The following SMARCAL1 variants were observed in gnomAD, a reference collection of about 807,000 sequenced individuals.
SMARCAL1 encodes the protein ATP-driven annealing helicase.
In SMARCAL1, 58 loss-of-function variants were observed where a neutral mutation model predicts 94.5. The observed-to-expected ratio is 0.61, with a 90% confidence interval of 0.50 to 0.76. The LOEUF is 0.76. SMARCAL1 is among the 30% of genes least tolerant of loss of function. The pLI is 0.00. For synonymous variants in SMARCAL1, 422 were observed against 455.1 expected (o/e 0.93, Z 0.93); for missense variants, 1,051 against 1,177.9 (o/e 0.89, Z 1.58).
chr2:216,432,802 C>A lies in SMARCAL1; in HGVS notation c.1419C>A (p.Ala473=), dbSNP rs1216850725. The A allele has an allele frequency of 6.2e-7, 1 of 1,614,114 alleles. No homozygotes were observed. Among genetic ancestry groups the A allele is most frequent in the Non-Finnish European group, 8.5e-7 (1 of 1,180,060 alleles). Residue 473 remains alanine, a synonymous_variant, in exon 8 of 18, where the codon GCC becomes GCA. Transcript: ENST00000357276. ...GKTIQAICIA[A]FYRKEWPLLV... ...CCATCCAAGCCATCTGCATCGCAGC[C>A]TTTTACCGGAAGGAGTGGCCGCTCC... is the stretch of plus-strand genomic sequence containing the variant.
rs543508725 is a variant in SMARCAL1 at position 216,462,744 on chromosome 2, A to T, written c.2071-1853A>T. On this transcript the variant is annotated intron_variant, in intron 12 of 17. Coordinates refer to ENST00000357276, the MANE Select transcript of SMARCAL1 (RefSeq NM_014140.4). ...CTCATGCCTGTAATCCCAGCACTGT[A>T]GGAGGCCAAGATGGGAGGATTACTT... Among the ~76,000 whole-genome samples the T allele has an allele frequency of 1.5e-3, 223 of 152,074 alleles. 3 individuals are homozygous for T. Among genetic ancestry groups the T allele is most frequent in the African/African-American group, 5.0e-3 (208 of 41,478 alleles).
At chr2:216,463,076 G>T (rs79795609) in intron 12 of SMARCAL1, among the ~76,000 whole-genome samples, 1,722 of 152,274 alleles carry the variant, frequency 0.011, 45 homozygotes, top group African/African-American at 0.04. Context: ...TCTGGCTGTG[G>T]TTGCTTTCCT....
At chr2:216,472,715 C>T (rs1015701081) in intron 14 of SMARCAL1, among the ~76,000 whole-genome samples, 1 of 149,228 alleles carries the variant, frequency 6.7e-6, no homozygotes, top group Non-Finnish European at 1.5e-5. Context: ...AAAGAAATGA[C>T]ACCAGTAGCC....
chr2:216,453,840 A>C (rs1694500065), intron 12 of SMARCAL1, among the ~76,000 whole-genome samples: 1 of 152,162 alleles, frequency 6.6e-6, no homozygotes, highest in South Asian at 2.1e-4. Flanking sequence ...ACACCTTTCC[A>C]TCTGGAAGAA....
rs1453767603 is a variant in SMARCAL1, at chr2:216,467,947, A to C, written c.2145A>C (p.Glu715Asp). The C allele has an allele frequency of 6.3e-7, 1 of 1,593,126 alleles. No individual in the cohort carries two copies. The highest frequency in any genetic ancestry group is 2.2e-5 in the East Asian group (1 of 44,764). Residue 715 changes from glutamate (E) to aspartate (D), a missense_variant, in exon 14 of 18, where the codon GAA becomes GAC. Transcript: ENST00000357276. ...TTGTTGTCATTGTCAAATGCAGTGA[A>C]TATATCTTGGACCTACTGGAAAGTG... ...TAEAKIPSVI[E>D]YILDLLESGR...
rs375276319 is a variant in SMARCAL1, at chr2:216,482,922, A to G, written c.2810A>G (p.Lys937Arg). 6 of 1,614,140 alleles carry G rather than the reference A, an allele frequency of 3.7e-6. No homozygotes were observed. The South Asian group carries it at 5.5e-5, about 15-fold the overall frequency. The change falls in exon 18 of 18, where the codon AAG becomes AGG. Residue 937 changes from lysine to arginine, a missense_variant. This residue lies in a region of SMARCAL1 where 642 missense variants were observed against 754.7 expected (regional missense o/e 0.85). Coordinates refer to ENST00000357276, the MANE Select transcript of SMARCAL1 (RefSeq NM_014140.4). This position sits in a 1 kb window ranked among gnomAD's most constrained non-coding sequence, Gnocchi z 4.3. Reference protein sequence around the residue: ...DESSLTASPQKKRRFEFFDNW... With the variant: ...DESSLTASPQRKRRFEFFDNW... ...AGCTCATTGACAGCCAGTCCACAGA[A>G]GAAAAGGAGATTTGAATTTTTTGAT...
Position 216,477,219 on chromosome 2 carries a change from G to A in SMARCAL1, c.2528+10G>A, listed in dbSNP as rs772336652. 1 of 1,567,674 alleles carries A rather than the reference G, an allele frequency of 6.4e-7. No homozygotes were observed. The highest frequency in any genetic ancestry group is 1.3e-5 in the African/African-American group (1 of 74,112). On this transcript the variant is annotated intron_variant, in intron 16 of 17. Coordinates refer to ENST00000357276, the MANE Select transcript of SMARCAL1 (RefSeq NM_014140.4). ...CTGATGACTACCTTTGGTATGGCTT[G>A]GTTGGGTGGCCTGGCAGTTGGAGTC...
intron 5 of SMARCAL1, among the ~76,000 whole-genome samples, chr2:216,423,390 A>G (rs1574449891): frequency 6.6e-6 from 1 of 152,324 alleles, no homozygotes; most frequent in East Asian, 1.9e-4. Context: ...GGCACCTTTT[A>G]TCACAACCCT....
intron 10 of SMARCAL1, among the ~76,000 whole-genome samples, chr2:216,442,586 A>G (rs1694220145): frequency 6.6e-6 from 1 of 152,140 alleles, no homozygotes; most frequent in Non-Finnish European, 1.5e-5. Flanking sequence ...TGGAAGTACG[A>G]GTGTGTGTGT....
At chr2:216,463,770 C>T (rs550596536) in intron 12 of SMARCAL1, among the ~76,000 whole-genome samples, 43 of 152,224 alleles carry the variant, frequency 2.8e-4, no homozygotes, top group African/African-American at 9.2e-4. Flanking sequence ...GGGCCAGGTG[C>T]GGTGACTCAT....
rs1293262554 is a variant in SMARCAL1, at chr2:216,482,469, C to T, written c.2626-269C>T. ...AAAACATTTCCAATGTAAATTATAGCGTGAGAGCAGCTTCTTTGTTGCACT... is the reference window on the plus strand; with the variant it reads ...AAAACATTTCCAATGTAAATTATAGTGTGAGAGCAGCTTCTTTGTTGCACT... On this transcript the variant is annotated intron_variant, in intron 17 of 17. Transcript: ENST00000357276. This position sits in a 1 kb window ranked among gnomAD's most constrained non-coding sequence, Gnocchi z 4.3. 2.6e-5 allele frequency among the ~76,000 whole-genome samples: 4 copies of T among 152,124 alleles called. No individual in the cohort carries two copies. The highest frequency in any genetic ancestry group is 4.4e-5 in the Non-Finnish European group (3 of 68,022).
chr2:216,432,535 C>T (rs1225295239), intron 7 of SMARCAL1, among the ~76,000 whole-genome samples, 183 bp from the exon 8 acceptor site: 1 of 152,070 alleles, frequency 6.6e-6, no homozygotes, highest in Non-Finnish European at 1.5e-5. Flanking sequence ...CTCTCTCTCT[C>T]TTTTTTATTC....
At chr2:216,437,145 A>G (rs2106039056) in intron 9 of SMARCAL1, among the ~76,000 whole-genome samples, 1 of 152,330 alleles carries the variant, frequency 6.6e-6, no homozygotes, top group South Asian at 2.1e-4. Context: ...AGTTTAAACC[A>G]TTCTTTGAGA....
At chr2:216,432,410 C>T (rs1015529791) in intron 7 of SMARCAL1, among the ~76,000 whole-genome samples, 3 of 152,148 alleles carry the variant, frequency 2.0e-5, no homozygotes, top group African/African-American at 7.2e-5. Flanking sequence ...TACAGTGGGC[C>T]GAGGCAACTC....
intron 11 of SMARCAL1, among the ~76,000 whole-genome samples, chr2:216,449,187 G>A (rs1694388363): frequency 6.6e-6 from 1 of 152,184 alleles, no homozygotes; most frequent in Admixed American, 6.5e-5. Context: ...CAACATGGGG[G>A]ACCCACCATG....
intron 14 of SMARCAL1, among the ~76,000 whole-genome samples, chr2:216,472,207 T>C (rs1160520845): frequency 1.3e-5 from 2 of 152,072 alleles, no homozygotes; most frequent in East Asian, 1.9e-4. Context: ...ATACAAAAAT[T>C]AGCTGGGCAT....
chr2:216,461,320 T>C (rs1436821233), intron 12 of SMARCAL1, among the ~76,000 whole-genome samples: 3 of 151,988 alleles, frequency 2.0e-5, no homozygotes, highest in African/African-American at 7.2e-5. Context: ...TTGGCATATA[T>C]AATTTGAGTA....
chr2:216,457,273 A>C (rs1484446488), intron 12 of SMARCAL1, among the ~76,000 whole-genome samples: 5 of 152,234 alleles, frequency 3.3e-5, no homozygotes, highest in Admixed American at 6.5e-5. Flanking sequence ...AACATTAGAC[A>C]GATCAACGAG....
intron 14 of SMARCAL1, among the ~76,000 whole-genome samples, chr2:216,471,820 A>G (rs1486572219): frequency 1.3e-5 from 2 of 152,238 alleles, no homozygotes. Context: ...TGCTGTTTAT[A>G]ATATTCAATA....
Sources: allele counts gnomAD v4.1 joint callset (sites outside exome capture counted in the v4.1 genomes callset), GRCh38; gene constraint gnomAD v4.1.1; regional missense constraint gnomAD v4.1.1; non-coding constraint Gnocchi (gnomAD v3.1); transcripts MANE v1.5; gene names NCBI Gene and HGNC (gene_info 2026-07-23, HGNC 2026-07-21).